The following ASRGL1 variants were observed in gnomAD, a reference collection of about 807,000 sequenced individuals.
The protein encoded by ASRGL1 is isoaspartyl peptidase/L-asparaginase.
A neutral mutation model predicts 22.4 loss-of-function variants in ASRGL1; 16 were observed. That is an observed-to-expected ratio of 0.71 (90% CI 0.48 to 1.08). ASRGL1 has a LOEUF of 1.08. Ranked by LOEUF, ASRGL1 falls within the 50% of genes least tolerant of loss-of-function variation. The pLI, the probability that ASRGL1 is intolerant of heterozygous loss-of-function variation, is 0.00. For synonymous variants in ASRGL1, 165 were observed against 159.3 expected (o/e 1.04, Z -0.27); for missense variants, 412 against 410.1 (o/e 1.00, Z -0.04).
chr11:62,375,482 T>G (rs111446051), intron 4 of ASRGL1, among the ~76,000 whole-genome samples: 1 of 70,914 alleles, frequency 1.4e-5, no homozygotes, highest in Non-Finnish European at 3.0e-5. Flanking sequence ...ATATATATAT[T>G]TCTTGGAGTA....
intron 2 of ASRGL1, among the ~76,000 whole-genome samples, chr11:62,339,720 G>A (rs1398617508): frequency 6.6e-6 from 1 of 152,060 alleles, no homozygotes; most frequent in Non-Finnish European, 1.5e-5. Flanking sequence ...GTATAAGTTA[G>A]GCATAATTAT....
At chr11:62,358,769 C>T (rs1238018517) in intron 4 of ASRGL1, among the ~76,000 whole-genome samples, 1 of 152,194 alleles carries the variant, frequency 6.6e-6, no homozygotes. Context: ...ATCCGTTGCT[C>T]TATGTCTTGG....
intron 4 of ASRGL1, chr11:62,371,602 A>C (rs1946768392): frequency 1.5e-6 from 1 of 670,766 alleles, no homozygotes; most frequent in Middle Eastern, 2.6e-4. Context: ...CACAAAGTGC[A>C]AAGGGGAGCT....
chr11:62,347,863 G>A (rs1392836956), intron 2 of ASRGL1, among the ~76,000 whole-genome samples: 1 of 152,158 alleles, frequency 6.6e-6, no homozygotes, highest in East Asian at 1.9e-4. Flanking sequence ...GGAGGCAGAG[G>A]TTGTAGTGAG....
intron 4 of ASRGL1, among the ~76,000 whole-genome samples, chr11:62,362,532 A>G (rs1296055701): frequency 8.6e-5 from 7 of 81,376 alleles, no homozygotes; most frequent in African/African-American, 3.4e-4. Context: ...TATATAATAT[A>G]TATTATATAA....
At chr11:62,398,278 G>GC (rs918241929), downstream of ASRGL1, among the ~76,000 whole-genome samples, 10 of 151,840 alleles carry the variant, frequency 6.6e-5, no homozygotes, top group African/African-American at 2.4e-4. Context: ...GAAAGGACCT[G>GC]CCCCCACCCT....
intron 2 of ASRGL1, chr11:62,338,434 A>G (rs1168334060): frequency 5.0e-6 from 2 of 401,030 alleles, no homozygotes; most frequent in African/African-American, 4.2e-5. Context: ...GCTTCTGGAG[A>G]GACATAAGAT....
At chr11:62,355,290 A>G (rs558025925) in intron 2 of ASRGL1, among the ~76,000 whole-genome samples, 2 of 136,072 alleles carry the variant, frequency 1.5e-5, no homozygotes, top group African/African-American at 5.6e-5. Flanking sequence ...CAGTGGTGCA[A>G]TCTCGGCTCA....
chr11:62,337,936 T>C lies in ASRGL1; in HGVS notation c.-42T>C. The C allele has an allele frequency of 6.4e-7, 1 of 1,556,374 alleles. No homozygotes were observed. Among genetic ancestry groups the C allele is most frequent in the Non-Finnish European group, 8.7e-7 (1 of 1,151,224 alleles). On this transcript the variant is annotated 5_prime_UTR_variant, in exon 2 of 7. Coordinates refer to ENST00000415229, the MANE Select transcript of ASRGL1 (RefSeq NM_001083926.2). ...CCGCGCGGCTTCCTTGGGCTGGCTTTGGACGACGCTTTCGCCTTCCTGCTG... is the reference window on the plus strand; with the variant it reads ...CCGCGCGGCTTCCTTGGGCTGGCTTCGGACGACGCTTTCGCCTTCCTGCTG...
chr11:62,389,433 G>A, intron 5 of ASRGL1, 182 bp downstream of exon 5: 1 of 699,262 alleles, frequency 1.4e-6, no homozygotes, highest in Non-Finnish European at 2.6e-6. Flanking sequence ...TGCCTTGAGA[G>A]GGTGTTTGTA....
At chr11:62,352,023 G>C (rs2513737) in intron 2 of ASRGL1, among the ~76,000 whole-genome samples, 129,631 of 152,194 alleles carry the variant, frequency 0.85, 55,685 homozygotes, top group East Asian at 1. Flanking sequence ...GCAACAAATT[G>C]TTTCCATTTG....
At chr11:62,382,003 AAG>A (rs1310188732) in intron 4 of ASRGL1, 1 of 152,222 alleles carries the variant, frequency 6.6e-6, no homozygotes, top group Non-Finnish European at 1.5e-5. Flanking sequence ...GAAAAGAAAT[AAG>A]AGGCTGGGTG....
chr11:62,372,498 C>T (rs1680995981), intron 4 of ASRGL1: 3 of 1,221,828 alleles, frequency 2.5e-6, no homozygotes, highest in African/African-American at 1.5e-5. Flanking sequence ...AGTTCATTGC[C>T]CGGGCACAGC....
chr11:62,384,172 G>A (rs1188522605), intron 4 of ASRGL1, among the ~76,000 whole-genome samples: 7 of 151,914 alleles, frequency 4.6e-5, no homozygotes, highest in African/African-American at 1.7e-4. Flanking sequence ...TCACACCCCT[G>A]CACTCCAGCC....
At chr11:62,368,447 T>C (rs1270275184) in intron 4 of ASRGL1, among the ~76,000 whole-genome samples, 4 of 152,142 alleles carry the variant, frequency 2.6e-5, no homozygotes, top group Non-Finnish European at 1.5e-5. Context: ...TGCTGAGTCA[T>C]GGAATGTGCA....
chr11:62,368,794 T>C (rs1459269639), intron 4 of ASRGL1, among the ~76,000 whole-genome samples: 1 of 152,144 alleles, frequency 6.6e-6, no homozygotes, highest in Non-Finnish European at 1.5e-5. Context: ...GAAAAGGTGC[T>C]GTGCCTTGAT....
intron 4 of ASRGL1, among the ~76,000 whole-genome samples, chr11:62,380,772 T>C (rs577153255): frequency 7.2e-5 from 11 of 152,280 alleles, no homozygotes; most frequent in African/African-American, 2.4e-4. Flanking sequence ...TTAACATTTT[T>C]ATAGAAAAGG....
the ASRGL1 span, among the ~76,000 whole-genome samples, chr11:62,398,905 A>T: frequency 6.6e-6 from 1 of 152,240 alleles, no homozygotes; most frequent in African/African-American, 2.4e-5. Flanking sequence ...GCAGTGACTC[A>T]TGCCTGTAAT....
At chr11:62,380,627 A>G (rs1947042510) in intron 4 of ASRGL1, among the ~76,000 whole-genome samples, 1 of 152,134 alleles carries the variant, frequency 6.6e-6, no homozygotes, top group African/African-American at 2.4e-5. Context: ...AAAAATTGAG[A>G]CAGTGAGAGT....
Sources: allele counts gnomAD v4.1 joint callset (sites outside exome capture counted in the v4.1 genomes callset), GRCh38; gene constraint gnomAD v4.1.1; transcripts MANE v1.5; gene names NCBI Gene and HGNC (gene_info 2026-07-23, HGNC 2026-07-21).